CTNNA3: variants seen among roughly 807,000 people sequenced by gnomAD.
The protein encoded by CTNNA3 is catenin alpha-3.
A neutral mutation model predicts 95.7 loss-of-function variants in CTNNA3; 76 were observed. The observed-to-expected ratio is 0.79, with a 90% CI of 0.66 to 0.96. The LOEUF is 0.96. Ranked by LOEUF, CTNNA3 falls within the 40% of genes least tolerant of loss-of-function variation. The probability of loss-of-function intolerance (pLI) is 0.00; values close to 1 mark genes in which losing one functional copy is unlikely to be tolerated. For missense variants in CTNNA3, 1,191 were observed against 1,089.8 expected, an observed-to-expected ratio of 1.09 and a Z score of -1.31; for synonymous variants, 431 against 374.4, an observed-to-expected ratio of 1.15 and a Z score of -1.74.
intron 5 of CTNNA3, among the ~76,000 whole-genome samples, chr10:67,222,336 G>A (rs551817269): frequency 6.6e-6 from 1 of 152,172 alleles, no homozygotes; most frequent in South Asian, 2.1e-4. Flanking sequence ...ATGTGGTCTG[G>A]GTTTTAGTTT....
intron 12 of CTNNA3, among the ~76,000 whole-genome samples, chr10:66,349,068 G>T (rs535554462): frequency 6.6e-6 from 1 of 152,018 alleles, no homozygotes; most frequent in African/African-American, 2.4e-5. Context: ...TTACATGTTC[G>T]TTACTTCACA....
chr10:67,327,703 T>C lies in CTNNA3; in HGVS notation c.580-107833A>G, dbSNP rs75417501. On this transcript the variant is annotated intron_variant, in intron 5 of 17. Transcript: ENST00000433211. ...CAGAGTGCGATGACAGTGGGACCCA[T>C]TCTTGCTCACAAGTGCCAGTAGCAG... is the stretch of plus-strand genomic sequence containing the variant. 5.0e-3 allele frequency among the ~76,000 whole-genome samples: 763 copies of C among 152,316 alleles called. 18 individuals are homozygous for C. The East Asian group carries it at 0.058, about 12-fold the overall frequency.
At chr10:67,153,703 A>C (rs1309133203) in intron 7 of CTNNA3, among the ~76,000 whole-genome samples, 1 of 152,202 alleles carries the variant, frequency 6.6e-6, no homozygotes, top group Non-Finnish European at 1.5e-5. Flanking sequence ...GGAGTAAAGT[A>C]TGTTTTACGT....
chr10:66,065,930 C>T (rs2080303781), intron 15 of CTNNA3, among the ~76,000 whole-genome samples: 1 of 152,052 alleles, frequency 6.6e-6, no homozygotes, highest in Admixed American at 6.6e-5. Flanking sequence ...ATGGTGCAAT[C>T]TCGGCTCACC....
chr10:66,882,197 G>A (rs887580406), intron 7 of CTNNA3, among the ~76,000 whole-genome samples: 35 of 152,036 alleles, frequency 2.3e-4, no homozygotes, highest in African/African-American at 7.7e-4. Flanking sequence ...GGGGGATAAC[G>A]AAAGGGTGGA....
chr10:66,191,162 T>C (rs2086646658), intron 13 of CTNNA3, among the ~76,000 whole-genome samples: 1 of 152,134 alleles, frequency 6.6e-6, no homozygotes, highest in Non-Finnish European at 1.5e-5. Flanking sequence ...CTTATATACA[T>C]ATTTTTGAGA....
At chr10:66,607,158 G>A (rs934640420) in intron 10 of CTNNA3, among the ~76,000 whole-genome samples, 2 of 151,938 alleles carry the variant, frequency 1.3e-5, no homozygotes, top group African/African-American at 4.8e-5. Context: ...CCACCTCTAC[G>A]CACATAAACT....
chr10:66,257,483 G>T (rs568162125), intron 13 of CTNNA3, among the ~76,000 whole-genome samples: 3 of 152,054 alleles, frequency 2.0e-5, no homozygotes, highest in Non-Finnish European at 4.4e-5. Context: ...AATTTACAAC[G>T]AAGCCCTCAC....
chr10:67,315,412 G>T (rs967001914), intron 5 of CTNNA3, among the ~76,000 whole-genome samples: 4 of 152,064 alleles, frequency 2.6e-5, no homozygotes, highest in African/African-American at 9.7e-5. Flanking sequence ...AATATCTAAA[G>T]TATCTCAGTA....
chr10:66,903,944 C>T (rs1356292705), intron 7 of CTNNA3, among the ~76,000 whole-genome samples: 1 of 152,118 alleles, frequency 6.6e-6, no homozygotes, highest in Admixed American at 6.6e-5. Flanking sequence ...ATGAAAATGG[C>T]CGTACTGCCC....
intron 10 of CTNNA3, among the ~76,000 whole-genome samples, chr10:66,567,053 A>AGAGAGGGATGGGAGGGG (rs1225652812): frequency 2.9e-3 from 1 of 346 alleles, no homozygotes; most frequent in African/African-American, 0.017. Flanking sequence ...GGGTAGGGAG[A>AGAGAGGGATGGGAGGGG]AAGAGGGGAA....
chr10:66,337,815 T>C (rs1209552281), intron 12 of CTNNA3, among the ~76,000 whole-genome samples: 1 of 151,964 alleles, frequency 6.6e-6, no homozygotes, highest in African/African-American at 2.4e-5. Context: ...TATAAAATGG[T>C]GCAGCCACTT....
At chr10:67,328,441 T>C (rs1435172556) in intron 5 of CTNNA3, among the ~76,000 whole-genome samples, 1 of 152,188 alleles carries the variant, frequency 6.6e-6, no homozygotes, top group Non-Finnish European at 1.5e-5. Context: ...GTTCCCCTAG[T>C]CCTGCACCAA....
intron 9 of CTNNA3, among the ~76,000 whole-genome samples, chr10:66,736,356 T>TC (rs1230954018): frequency 6.6e-6 from 1 of 151,738 alleles, no homozygotes; most frequent in Non-Finnish European, 1.5e-5. Flanking sequence ...CGGCTAATTT[T>TC]TTTTTTTTTT....
At position 66,119,089 on chromosome 10, in the gene CTNNA3, A is replaced by T. The variant is rs575739987; in HGVS notation, c.1885-15840T>A. Among the ~76,000 whole-genome samples the T allele has an allele frequency of 1.1e-4, 16 of 152,152 alleles. No homozygotes were observed. The South Asian group carries it at 3.3e-3, about 32-fold the overall frequency. ...AGATATAAAACATTGATTTTTATTA[A>T]ATTTTAAAACAGAGAACTTTTAAAT... On this transcript the variant is annotated intron_variant, in intron 13 of 17. Coordinates refer to ENST00000433211, the MANE Select transcript of CTNNA3 (RefSeq NM_013266.4).
At chr10:66,298,739 G>A (rs954543245) in intron 12 of CTNNA3, among the ~76,000 whole-genome samples, 3 of 152,114 alleles carry the variant, frequency 2.0e-5, no homozygotes, top group African/African-American at 7.2e-5. Context: ...CAAAAAGATT[G>A]TCTTTCCTCG....
chr10:66,962,757 A>G (rs1372358984), intron 7 of CTNNA3, among the ~76,000 whole-genome samples: 4 of 152,114 alleles, frequency 2.6e-5, no homozygotes, highest in African/African-American at 9.7e-5. Context: ...TAAGGCCTTC[A>G]TGATACCCCC....
chr10:67,203,308 G>A (rs1189360365), intron 6 of CTNNA3, among the ~76,000 whole-genome samples: 4 of 152,122 alleles, frequency 2.6e-5, no homozygotes, highest in African/African-American at 7.2e-5. Flanking sequence ...CCGTGAACAC[G>A]CTCTCTTGCC....
intron 17 of CTNNA3, among the ~76,000 whole-genome samples, chr10:65,953,387 G>GT (rs58314622): frequency 0.014 from 2,134 of 150,512 alleles, 55 homozygotes; most frequent in African/African-American, 0.049. Context: ...TTTTTTTAGT[G>GT]TTTTTTCTTT....
Sources: allele counts gnomAD v4.1 joint callset (sites outside exome capture counted in the v4.1 genomes callset), GRCh38; gene constraint gnomAD v4.1.1; transcripts MANE v1.5; gene names NCBI Gene and HGNC (gene_info 2026-07-23, HGNC 2026-07-21).